Variants in ERBB4 observed in about 807,000 individuals in gnomAD.
The protein encoded by ERBB4 is receptor tyrosine-protein kinase erbB-4.
ERBB4 carries 42 observed loss-of-function variants against 158.0 expected under a neutral mutation model. The observed-to-expected ratio is 0.27, with a 90% CI of 0.21 to 0.34. The LOEUF is 0.34. ERBB4 is among the 10% of genes least tolerant of loss of function. The pLI is 1.00. For synonymous variants in ERBB4, 583 were observed against 558.7 expected (o/e 1.04, Z -0.61); for missense variants, 1,333 against 1,624.1 (o/e 0.82, Z 3.08).
chr2:211,941,503 T>G (rs1279899690), intron 3 of ERBB4, among the ~76,000 whole-genome samples: 1 of 151,568 alleles, frequency 6.6e-6, no homozygotes, highest in South Asian at 2.1e-4. Context: ...TCAGGGCCAA[T>G]AAAGGATGAA....
At chr2:211,682,916 T>C (rs2072412434) in intron 12 of ERBB4, among the ~76,000 whole-genome samples, 2 of 151,874 alleles carry the variant, frequency 1.3e-5, no homozygotes. Context: ...TATCTTAGTT[T>C]TTTTTTTCCT....
At chr2:211,603,724 A>G (rs933855451) in intron 19 of ERBB4, among the ~76,000 whole-genome samples, 2 of 152,214 alleles carry the variant, frequency 1.3e-5, no homozygotes, top group African/African-American at 4.8e-5. Context: ...CATTTGATCC[A>G]GGGATGGGCA....
At chr2:212,332,514 T>C (rs966947492) in intron 1 of ERBB4, among the ~76,000 whole-genome samples, 1 of 152,094 alleles carries the variant, frequency 6.6e-6, no homozygotes, top group Non-Finnish European at 1.5e-5. Context: ...CTCTTGCAAA[T>C]CAAATATAGA....
intron 2 of ERBB4, among the ~76,000 whole-genome samples, chr2:212,032,532 A>G (rs924391105): frequency 2.6e-5 from 4 of 152,078 alleles, no homozygotes; most frequent in African/African-American, 7.2e-5. Flanking sequence ...TAATACCTTC[A>G]CCACTTTTGA....
At chr2:212,190,547 A>AT (rs1328375323) in intron 1 of ERBB4, among the ~76,000 whole-genome samples, 9 of 150,054 alleles carry the variant, frequency 6.0e-5, no homozygotes, top group African/African-American at 2.2e-4. Flanking sequence ...AAAAAAAAAA[A>AT]AAAAAGAAGA....
At chr2:212,054,708 C>A (rs2077500564) in intron 2 of ERBB4, among the ~76,000 whole-genome samples, 1 of 152,136 alleles carries the variant, frequency 6.6e-6, no homozygotes, top group African/African-American at 2.4e-5. Flanking sequence ...GGGACAAAAG[C>A]CATCAGATGC....
At chr2:211,464,045 C>T (rs2064608331) in intron 20 of ERBB4, among the ~76,000 whole-genome samples, 1 of 152,102 alleles carries the variant, frequency 6.6e-6, no homozygotes. Context: ...TAAGTCTTAT[C>T]TCACATGTCA....
intron 3 of ERBB4, among the ~76,000 whole-genome samples, chr2:211,923,514 C>T (rs2079928446): frequency 6.6e-6 from 1 of 152,058 alleles, no homozygotes; most frequent in Admixed American, 6.6e-5. Context: ...TTATACTAGG[C>T]AAGACTTAGA....
chr2:211,805,005 C>T (rs957921464), intron 3 of ERBB4, among the ~76,000 whole-genome samples: 1 of 151,772 alleles, frequency 6.6e-6, no homozygotes, highest in East Asian at 1.9e-4. Context: ...CTGCAACCTC[C>T]GCCTCAAAGG....
At chr2:212,146,850 C>G (rs889518030) in intron 1 of ERBB4, among the ~76,000 whole-genome samples, 1 of 152,038 alleles carries the variant, frequency 6.6e-6, no homozygotes, top group East Asian at 1.9e-4. Flanking sequence ...ACCCAGTTAT[C>G]CCTTAACACC....
intron 12 of ERBB4, among the ~76,000 whole-genome samples, chr2:211,696,051 C>A (rs1322386020): frequency 1.8e-5 from 2 of 112,782 alleles, no homozygotes; most frequent in Non-Finnish European, 3.5e-5. Context: ...TTCCCCTTCC[C>A]CCCCTCCCTC....
chr2:211,698,972 G>T (rs915669941), intron 12 of ERBB4, among the ~76,000 whole-genome samples: 2 of 152,106 alleles, frequency 1.3e-5, no homozygotes, highest in Non-Finnish European at 2.9e-5. Context: ...TGAAATTTTT[G>T]ACTTAAAAGA....
intron 3 of ERBB4, among the ~76,000 whole-genome samples, chr2:211,888,696 C>A (rs1297738280): frequency 1.3e-5 from 2 of 151,622 alleles, no homozygotes; most frequent in East Asian, 2.0e-4. Flanking sequence ...GTGCGCGCAC[C>A]GTGCGCGAGC....
intron 3 of ERBB4, among the ~76,000 whole-genome samples, chr2:211,826,929 C>T (rs1040102229): frequency 2.0e-5 from 3 of 151,892 alleles, no homozygotes; most frequent in Non-Finnish European, 2.9e-5. Context: ...TTGTAAAGGA[C>T]TTGTTCTTCC....
chr2:212,452,608 A>G (rs907123569), intron 1 of ERBB4, among the ~76,000 whole-genome samples: 1 of 152,160 alleles, frequency 6.6e-6, no homozygotes, highest in Admixed American at 6.5e-5. Flanking sequence ...TAATGCACTC[A>G]GACCTACATA....
chr2:212,142,628 A>C (rs1179056903), intron 1 of ERBB4, among the ~76,000 whole-genome samples: 3 of 148,052 alleles, frequency 2.0e-5, no homozygotes, highest in African/African-American at 7.4e-5. Flanking sequence ...TATAATATAT[A>C]TAAATATTAT....
chr2:212,480,536 TCC>T (rs1204777588), intron 1 of ERBB4, among the ~76,000 whole-genome samples: 1 of 152,200 alleles, frequency 6.6e-6, no homozygotes, highest in Non-Finnish European at 1.5e-5. Flanking sequence ...TCTATTCTTA[TCC>T]CAGCCATTCA....
intron 3 of ERBB4, among the ~76,000 whole-genome samples, chr2:211,886,941 A>C (rs1559613679): frequency 6.6e-6 from 1 of 152,204 alleles, no homozygotes; most frequent in Non-Finnish European, 1.5e-5. Context: ...GAATTTCTTC[A>C]CTTGTTCCTT....
At chr2:212,298,844 A>C (rs2086515295) in intron 1 of ERBB4, among the ~76,000 whole-genome samples, 1 of 151,702 alleles carries the variant, frequency 6.6e-6, no homozygotes, top group Non-Finnish European at 1.5e-5. Flanking sequence ...CAGATAAACC[A>C]AAGTTTAAAG....
Sources: allele counts gnomAD v4.1 joint callset (sites outside exome capture counted in the v4.1 genomes callset), GRCh38; gene constraint gnomAD v4.1.1; transcripts MANE v1.5; gene names NCBI Gene and HGNC (gene_info 2026-07-23, HGNC 2026-07-21).